The following DOCK9 variants were observed in gnomAD, a reference collection of about 807,000 sequenced individuals.
DOCK9 encodes dedicator of cytokinesis 9, also known as dedicator of cytokinesis protein 9.
In DOCK9, 89 loss-of-function variants were observed where a neutral mutation model predicts 263.3. The observed-to-expected ratio is 0.34, with a 90% CI of 0.28 to 0.40. The LOEUF is 0.40. Among genes scored for constraint, DOCK9 ranks in the 10% least tolerant of loss-of-function variants. The pLI is 1.00. For missense variants in DOCK9, 2,140 were observed against 2,603.4 expected (o/e 0.82, Z 3.87); for synonymous variants, 976 against 973.1 (o/e 1.00, Z -0.06).
At position 98,826,546 on chromosome 13, in the gene DOCK9, C is replaced by T. The variant is rs376207703; in HGVS notation, c.5023+284G>A. On this transcript the variant is annotated intron_variant, in intron 44 of 52. Coordinates refer to ENST00000682017, the MANE Select transcript of DOCK9 (RefSeq NM_001366683.2). ...TAAGGGAAAAATAGTATCTTCTTAGCTCTAGATTTGGCCAGATGCAAAACT... is the reference window on the plus strand; with the variant it reads ...TAAGGGAAAAATAGTATCTTCTTAGTTCTAGATTTGGCCAGATGCAAAACT... 1.1e-4 allele frequency among the ~76,000 whole-genome samples: 16 copies of T among 152,322 alleles called. No individual in the cohort carries two copies. The South Asian group carries it at 3.1e-3, about 30-fold the overall frequency.
rs1189811015 is a variant in DOCK9 at position 98,977,805 on chromosome 13, T to C, written c.105A>G (p.Ala35=). 6.2e-7 allele frequency: 1 copy of C among 1,611,734 alleles called. No homozygotes were observed. The change falls in exon 1 of 53, where the codon GCA becomes GCG. Residue 35 remains alanine, a synonymous_variant. Coordinates refer to ENST00000682017, the MANE Select transcript of DOCK9 (RefSeq NM_001366683.2). ...YKDAAQGEVE[A]ESPGPVPAKP... is the part of the protein sequence containing the mutation. ...TTACCGGCACAGGGCCCGGGCTCTCTGCTTCCACTTCGCCCTGAGCTGCAT... is the reference window on the plus strand; with the variant it reads ...TTACCGGCACAGGGCCCGGGCTCTCCGCTTCCACTTCGCCCTGAGCTGCAT...
chr13:98,923,515 T>C, intron 4 of DOCK9, 144 bp from the exon 5 acceptor site: 1 of 673,464 alleles, frequency 1.5e-6, no homozygotes, highest in Non-Finnish European at 2.5e-6. Context: ...TAAAACCATC[T>C]ATGCCCTTGC....
At chr13:99,085,021 G>A (rs117231456) in intron 1 of DOCK9, among the ~76,000 whole-genome samples, 4,207 of 152,286 alleles carry the variant, frequency 0.028, 95 homozygotes, top group South Asian at 0.063. Context: ...GAGAAATTTG[G>A]AGTTGGCAGA....
chr13:98,904,757 A>T, intron 9 of DOCK9, 51 bp from the exon 10 acceptor site: 1 of 1,481,604 alleles, frequency 6.7e-7, no homozygotes, highest in Non-Finnish European at 9.1e-7. Flanking sequence ...TTTTCTTGCA[A>T]AGGTGCCCAA....
At chr13:98,898,479 C>T (rs569934863) in intron 13 of DOCK9, among the ~76,000 whole-genome samples, 7 of 152,196 alleles carry the variant, frequency 4.6e-5, no homozygotes, top group African/African-American at 1.4e-4. Flanking sequence ...GAATACAGAA[C>T]GAAGACTTTC....
intron 1 of DOCK9, among the ~76,000 whole-genome samples, chr13:99,000,628 T>C (rs942295903): frequency 2.0e-5 from 3 of 152,068 alleles, no homozygotes; most frequent in African/African-American, 7.3e-5. Context: ...AAATAAAAAT[T>C]GAAACTCATG....
intron 1 of DOCK9, among the ~76,000 whole-genome samples, chr13:99,006,304 A>C (rs988461163): frequency 2.6e-5 from 4 of 152,240 alleles, no homozygotes; most frequent in Non-Finnish European, 5.9e-5. Flanking sequence ...CAATAAAACA[A>C]TATGCCTTAA....
At chr13:98,961,552 C>T (rs1161824257) in intron 1 of DOCK9, among the ~76,000 whole-genome samples, 3 of 152,252 alleles carry the variant, frequency 2.0e-5, no homozygotes, top group Admixed American at 6.5e-5. Flanking sequence ...CCTCCCTCCT[C>T]CCCACAAAGG....
intron 1 of DOCK9, chr13:99,015,489 A>T (rs765307206): frequency 1.1e-5 from 17 of 1,597,716 alleles, no homozygotes; most frequent in African/African-American, 2.7e-5. Flanking sequence ...CTTTTGTCCA[A>T]TTGTATGCTG....
intron 1 of DOCK9, among the ~76,000 whole-genome samples, chr13:99,020,528 C>G (rs940924437): frequency 1.3e-5 from 2 of 152,220 alleles, no homozygotes; most frequent in African/African-American, 4.8e-5. Context: ...CCATAGCTAA[C>G]AGGTCCCAAG....
At chr13:98,899,892 T>C (rs908072064) in intron 13 of DOCK9, among the ~76,000 whole-genome samples, 1 of 152,226 alleles carries the variant, frequency 6.6e-6, no homozygotes, top group Non-Finnish European at 1.5e-5. Context: ...TTTTTCTTTT[T>C]AAAACCTCTA....
intron 34 of DOCK9, chr13:98,854,610 G>A (rs1369608550): frequency 6.6e-6 from 1 of 152,114 alleles, no homozygotes; most frequent in Non-Finnish European, 1.5e-5. Flanking sequence ...TGTCTCCTCT[G>A]GCAAAGGTGG....
At chr13:98,955,858 G>T (rs1232075305) in intron 1 of DOCK9, among the ~76,000 whole-genome samples, 1 of 152,218 alleles carries the variant, frequency 6.6e-6, no homozygotes, top group African/African-American at 2.4e-5. Context: ...GCTTTAGGGT[G>T]TGCCAGAGTT....
intron 44 of DOCK9, 32 bp from the exon 45 acceptor site, chr13:98,824,536 T>A: frequency 6.3e-7 from 1 of 1,598,542 alleles, no homozygotes; most frequent in Non-Finnish European, 8.6e-7. Flanking sequence ...ACAGTCAGAG[T>A]TAGGAACCTG....
chr13:98,797,311 C>G, intron 51 of DOCK9, 58 bp from the exon 52 acceptor site: 1 of 1,610,760 alleles, frequency 6.2e-7, no homozygotes, highest in Non-Finnish European at 8.5e-7. Flanking sequence ...ATGAGTCCAA[C>G]CAGCAGCATC....
chr13:98,865,554 C>G (rs186320572), intron 30 of DOCK9, among the ~76,000 whole-genome samples: 1 of 152,324 alleles, frequency 6.6e-6, no homozygotes, highest in African/African-American at 2.4e-5. Context: ...CCCCCATCGA[C>G]TGAGCGAAGC....
intron 13 of DOCK9, 105 bp from the exon 14 acceptor site, chr13:98,898,366 A>C (rs2047749047): frequency 1.3e-6 from 1 of 777,762 alleles, no homozygotes; most frequent in Admixed American, 2.2e-5. Context: ...TTACCATAGC[A>C]TTGGATGCAT....
upstream of DOCK9, among the ~76,000 whole-genome samples, chr13:98,980,730 C>T (rs1482450497): frequency 6.6e-6 from 1 of 152,182 alleles, no homozygotes; most frequent in Admixed American, 6.5e-5. Flanking sequence ...TTCCACCAAC[C>T]GTGTTGCTAT....
intron 1 of DOCK9, among the ~76,000 whole-genome samples, chr13:99,085,120 G>A (rs2142514452): frequency 6.6e-6 from 1 of 152,316 alleles, no homozygotes; most frequent in South Asian, 2.1e-4. Context: ...CGTCATTCAC[G>A]CAATTCTGTG....
Sources: allele counts gnomAD v4.1 joint callset (sites outside exome capture counted in the v4.1 genomes callset), GRCh38; gene constraint gnomAD v4.1.1; transcripts MANE v1.5; gene names NCBI Gene and HGNC (gene_info 2026-07-23, HGNC 2026-07-21).